The following FGD4 variants were observed in gnomAD, a reference collection of about 807,000 sequenced individuals.
FGD4 encodes FYVE, RhoGEF and PH domain containing 4.
In FGD4, 42 loss-of-function variants were observed where a neutral mutation model predicts 102.0. The ratio of observed to expected loss-of-function variants is 0.41; its 90% confidence interval spans 0.32 to 0.53. The LOEUF (loss-of-function observed/expected upper bound fraction) is 0.53, where lower values mean the gene tolerates loss of function less well. Ranked by LOEUF, FGD4 falls within the 20% of genes least tolerant of loss-of-function variation. The probability of loss-of-function intolerance (pLI) is 0.21; values close to 1 mark genes in which losing one functional copy is unlikely to be tolerated. For synonymous variants in FGD4, 380 were observed against 375.7 expected, an observed-to-expected ratio of 1.01 and a Z score of -0.13; for missense variants, 902 against 1,078.2, an observed-to-expected ratio of 0.84 and a Z score of 2.29.
rs1951339620 is a variant in FGD4 at position 32,645,070 on chromosome 12, T to C, written c.*4537T>C. ...GTCAACCCCTTTTCCCAAAATTCAT[T>C]GTGGTAGTTTTAGTGGAAAACGTAA... On this transcript the variant is annotated 3_prime_UTR_variant, in exon 17 of 17. Transcript: ENST00000534526. The C allele has an allele frequency of 6.6e-6, 1 of 152,162 alleles. No individual in the cohort carries two copies. Among genetic ancestry groups the C allele is most frequent in the Non-Finnish European group, 1.5e-5 (1 of 68,026 alleles). 9.4% of individuals were successfully genotyped at this position (152,162 alleles called of 1,614,324 possible).
intron 7 of FGD4, among the ~76,000 whole-genome samples, chr12:32,602,872 A>G (rs924672230): frequency 6.6e-6 from 1 of 152,160 alleles, no homozygotes; most frequent in African/African-American, 2.4e-5. Context: ...TGGCATGGGA[A>G]TTCTGTTGTT....
In FGD4 at chr12:32,585,130, G is replaced by A. The variant is rs538743465; in HGVS notation, c.1011+2663G>A. 8.6e-5 allele frequency among the ~76,000 whole-genome samples: 13 copies of A among 151,002 alleles called. No homozygotes were observed. The South Asian group carries it at 2.7e-3, about 32-fold the overall frequency. Reference sequence around the variant, plus strand: ...CTCAGGAGGCTGAGGTGGGAAGATCGCTTGAGCCTGGGAGGCAGAGGTTGC... The same window carrying A: ...CTCAGGAGGCTGAGGTGGGAAGATCACTTGAGCCTGGGAGGCAGAGGTTGC... On this transcript the variant is annotated intron_variant, in intron 4 of 16. Transcript: ENST00000534526.
chr12:32,399,632 C>T lies in FGD4; in HGVS notation c.-162C>T. 7.1e-7 allele frequency: 1 copy of T among 1,403,152 alleles called. No homozygotes were observed. Among genetic ancestry groups the T allele is most frequent in the Non-Finnish European group, 9.2e-7 (1 of 1,086,374 alleles). 86.9% of individuals were successfully genotyped at this position (1,403,152 alleles called of 1,614,324 possible). On this transcript the variant is annotated 5_prime_UTR_variant, in exon 1 of 17. Coordinates refer to ENST00000534526, the MANE Select transcript of FGD4 (RefSeq NM_001370298.3). ...CGCCGCGACGCCGGGAGGGAGCGTA[C>T]CGGGAAGGAGAGGGAGAGGAGGCAC...
At chr12:32,636,592 A>T (rs1950831041) in intron 15 of FGD4, among the ~76,000 whole-genome samples, 1 of 152,082 alleles carries the variant, frequency 6.6e-6, no homozygotes, top group African/African-American at 2.4e-5. Context: ...GAACTATCAC[A>T]GATCAGTGTT....
chr12:32,531,072 C>T (rs949864213), intron 1 of FGD4, among the ~76,000 whole-genome samples: 1 of 147,520 alleles, frequency 6.8e-6, no homozygotes, highest in African/African-American at 2.5e-5. Flanking sequence ...CTGCCTCAGT[C>T]TCCCAAGTAG....
chr12:32,472,409 C>T (rs28544416), intron 1 of FGD4, among the ~76,000 whole-genome samples: 2 of 145,288 alleles, frequency 1.4e-5, no homozygotes, highest in Non-Finnish European at 3.1e-5. Context: ...CTGCTGGCCC[C>T]GGGCAATGGG....
chr12:32,415,507 C>T (rs1327060649), intron 1 of FGD4, among the ~76,000 whole-genome samples: 1 of 147,750 alleles, frequency 6.8e-6, no homozygotes, highest in Non-Finnish European at 1.5e-5. Context: ...ACTGCAAGCT[C>T]CGTCTCCTGG....
chr12:32,409,291 CT>C (rs34814176), intron 1 of FGD4, among the ~76,000 whole-genome samples: 9,884 of 131,874 alleles, frequency 0.075, 273 homozygotes, highest in Middle Eastern at 0.16. Flanking sequence ...TCTTTTTTTT[CT>C]TTTTTTTTTT....
rs549409892 is a variant in FGD4 at position 32,631,942 on chromosome 12, T to A, written c.2173-1607T>A. Among the ~76,000 whole-genome samples the A allele has an allele frequency of 2.2e-3, 334 of 152,360 alleles. 1 individual carries two copies. Among genetic ancestry groups the A allele is most frequent in the Non-Finnish European group, 3.5e-3 (238 of 68,038 alleles). On this transcript the variant is annotated intron_variant, in intron 14 of 16. Transcript: ENST00000534526. ...CATGTGCATTGTCAAAATACTGTGC[T>A]ATGATTTGAAAATAAACAAAATGGA...
At chr12:32,579,912 T>C (rs574441886) in intron 3 of FGD4, among the ~76,000 whole-genome samples, 24 of 151,306 alleles carry the variant, frequency 1.6e-4, no homozygotes, top group African/African-American at 5.6e-4. Context: ...CATTCTCCAG[T>C]CCAGATCAGC....
chr12:32,592,360 A>G (rs1947554748), intron 4 of FGD4, among the ~76,000 whole-genome samples: 1 of 151,988 alleles, frequency 6.6e-6, no homozygotes, highest in Admixed American at 6.5e-5. Flanking sequence ...CATTTTTGAA[A>G]AACTATAAAT....
intron 2 of FGD4, among the ~76,000 whole-genome samples, chr12:32,567,686 C>CT (rs36064998): frequency 0.29 from 36,984 of 126,262 alleles, 5,688 homozygotes; most frequent in Middle Eastern, 0.5. Context: ...TTATTGTGGG[C>CT]TTTTTTTTTT....
chr12:32,487,994 T>C (rs1349452314), intron 1 of FGD4, among the ~76,000 whole-genome samples: 1 of 152,248 alleles, frequency 6.6e-6, no homozygotes, highest in Non-Finnish European at 1.5e-5. Flanking sequence ...AGGCAGGTTC[T>C]TCTATGTTCC....
In FGD4 at chr12:32,619,731, T is replaced by A. The variant is rs1949685253; in HGVS notation, c.1783T>A (p.Phe595Ile). The change falls in exon 11 of 17, where the codon TTC (phenylalanine) becomes ATC (isoleucine). Residue 595 changes from phenylalanine to isoleucine, a missense_variant. By Grantham distance (21) the Phe-to-Ile change is conservative. Transcript: ENST00000534526. Reference sequence around the variant, plus strand: ...CATGTTGCTGTACTGTGTGCCCAAATTCAGCTTGGTAGGCTCTAAATTCAC... The same window carrying A: ...CATGTTGCTGTACTGTGTGCCCAAAATCAGCTTGGTAGGCTCTAAATTCAC... ...NNMLLYCVPK[F>I]SLVGSKFTVR... The A allele has an allele frequency of 6.2e-7, 1 of 1,614,160 alleles. No individual in the cohort carries two copies. Among genetic ancestry groups the A allele is most frequent in the East Asian group, 2.2e-5 (1 of 44,880 alleles).
At chr12:32,475,583 C>G (rs547471733) in intron 1 of FGD4, among the ~76,000 whole-genome samples, 2 of 152,298 alleles carry the variant, frequency 1.3e-5, no homozygotes, top group South Asian at 2.1e-4. Flanking sequence ...TGGGAACTTA[C>G]AGTTGAAGTC....
chr12:32,633,674 A>T lies in FGD4; in HGVS notation c.2298A>T (p.Arg766Ser). The part of the protein sequence containing the change: ...SGFTDSEEKK[R>S]KGILEIESAE... ...TCACAGACAGTGAAGAAAAGAAAAG[A>T]AAAGGAATTTTAGAGGTAAGAAATA... Residue 766 changes from arginine to serine, a missense_variant, in exon 15 of 17, where the codon AGA becomes AGT. Transcript: ENST00000534526. The T allele has an allele frequency of 6.2e-7, 1 of 1,601,636 alleles. No homozygotes were observed. Among genetic ancestry groups the T allele is most frequent in the Non-Finnish European group, 8.6e-7 (1 of 1,169,136 alleles).
At chr12:32,408,774 T>G (rs2136391008) in intron 1 of FGD4, among the ~76,000 whole-genome samples, 1 of 152,342 alleles carries the variant, frequency 6.6e-6, no homozygotes, top group Middle Eastern at 3.4e-3. Context: ...AGCACCTATT[T>G]TCAGCCCTTC....
intron 1 of FGD4, among the ~76,000 whole-genome samples, chr12:32,527,675 G>C (rs1366285098): frequency 6.6e-6 from 1 of 152,024 alleles, no homozygotes; most frequent in African/African-American, 2.4e-5. Flanking sequence ...TGATCCACCC[G>C]CCTCGTCCTC....
At position 32,506,790 on chromosome 12, in the gene FGD4, AATTT is replaced by A. The variant is rs1938796146; in HGVS notation, c.167-57345_167-57342del. The stretch of plus-strand genomic sequence containing the variant: ...AGCACAATGGGCAAGATGTTAGTGA[AATTT>A]ACCTAGTAGTGGGAAGAGACAGAAT... On this transcript the variant is annotated intron_variant, in intron 1 of 16. Transcript: ENST00000534526. The surrounding 1 kb of genome is among the most constrained non-coding windows in gnomAD (Gnocchi z 4.5). Among the ~76,000 whole-genome samples the A allele has an allele frequency of 6.6e-6, 1 of 152,182 alleles. No individual in the cohort carries two copies. The highest frequency in any genetic ancestry group is 1.5e-5 in the Non-Finnish European group (1 of 68,034).
Sources: gnomAD v4.1 joint callset for allele counts (sites outside exome capture counted in the v4.1 genomes callset) on GRCh38, gnomAD v4.1.1 for gene constraint, Gnocchi (gnomAD v3.1) non-coding constraint, MANE v1.5 for transcripts, NCBI Gene and HGNC (gene_info 2026-07-23, HGNC 2026-07-21) for gene names.